Variants in SIK3 observed in about 807,000 individuals in gnomAD.
SIK3 encodes the protein SIK family kinase 3.
A neutral mutation model predicts 144.2 loss-of-function variants in SIK3; 28 were observed. The ratio of observed to expected loss-of-function variants is 0.19; its 90% confidence interval spans 0.14 to 0.27. The LOEUF (loss-of-function observed/expected upper bound fraction) is 0.27, where lower values mean the gene tolerates loss of function less well. Among genes scored for constraint, SIK3 ranks in the 10% least tolerant of loss-of-function variants. SIK3 has a pLI of 1.00. For missense variants in SIK3, 1,319 were observed against 1,776.0 expected, an observed-to-expected ratio of 0.74 and a Z score of 4.62; for synonymous variants, 686 against 676.3, an observed-to-expected ratio of 1.01 and a Z score of -0.22.
At chr11:116,967,689 G>C (rs1367779230) in intron 1 of SIK3, among the ~76,000 whole-genome samples, 1 of 152,186 alleles carries the variant, frequency 6.6e-6, no homozygotes, top group Non-Finnish European at 1.5e-5. Flanking sequence ...AGTCTCACTT[G>C]TAATGCATCC....
chr11:116,977,125 T>C (rs1444335432), intron 1 of SIK3, among the ~76,000 whole-genome samples: 1 of 152,100 alleles, frequency 6.6e-6, no homozygotes, highest in Non-Finnish European at 1.5e-5. Flanking sequence ...AGGCCAAATA[T>C]TTCCGGATCA....
rs12271877 is a variant in SIK3, at chr11:117,063,786, C to T, written c.273+34357G>A. ...GGTTTCACCTTGGCCAGGCTGTTCTCGAACTCCTGATCTCAAGTGATTCGC... is the reference window on the plus strand; with the variant it reads ...GGTTTCACCTTGGCCAGGCTGTTCTTGAACTCCTGATCTCAAGTGATTCGC... On this transcript the variant is annotated intron_variant, in intron 1 of 24. Transcript: ENST00000445177. Among the ~76,000 whole-genome samples the T allele has an allele frequency of 7.6e-3, 1,155 of 151,862 alleles. 12 individuals are homozygous for T. Among genetic ancestry groups the T allele is most frequent in the African/African-American group, 0.024 (988 of 41,424 alleles).
At chr11:116,882,682 TACA>T (rs1474865030) in intron 6 of SIK3, among the ~76,000 whole-genome samples, 1 of 152,142 alleles carries the variant, frequency 6.6e-6, no homozygotes, top group Non-Finnish European at 1.5e-5. Context: ...GCATGCTGCT[TACA>T]GGTGCTCAGA....
chr11:117,012,608 C>T (rs989904334), intron 1 of SIK3, among the ~76,000 whole-genome samples: 3 of 152,112 alleles, frequency 2.0e-5, no homozygotes, highest in Non-Finnish European at 4.4e-5. Context: ...TCCCTCTTTC[C>T]CATTTTTCTC....
chr11:116,940,480 C>T (rs1948228972), intron 3 of SIK3, among the ~76,000 whole-genome samples: 1 of 152,090 alleles, frequency 6.6e-6, no homozygotes, highest in Non-Finnish European at 1.5e-5. Context: ...ATCTGCCCAT[C>T]TCAGCCTCCC....
At chr11:117,044,468 C>T (rs1167366132) in intron 1 of SIK3, among the ~76,000 whole-genome samples, 1 of 142,404 alleles carries the variant, frequency 7.0e-6, no homozygotes, top group Non-Finnish European at 1.5e-5. Context: ...TACAACTAGA[C>T]AAAAAGTAAA....
chr11:116,919,352 T>C (rs1439126209), intron 4 of SIK3, among the ~76,000 whole-genome samples: 1 of 152,216 alleles, frequency 6.6e-6, no homozygotes, highest in Non-Finnish European at 1.5e-5. Flanking sequence ...AAATTTTCCA[T>C]GGTACCTTAA....
intron 6 of SIK3, among the ~76,000 whole-genome samples, chr11:116,878,669 C>T (rs1284335591): frequency 1.3e-5 from 2 of 152,214 alleles, no homozygotes; most frequent in African/African-American, 2.4e-5. Flanking sequence ...CGTGAGCCAC[C>T]GCGCTTGGCC....
intron 19 of SIK3, among the ~76,000 whole-genome samples, chr11:116,860,531 A>G (rs1943266155): frequency 6.6e-6 from 1 of 152,224 alleles, no homozygotes; most frequent in East Asian, 1.9e-4. Context: ...GTAGACAGCC[A>G]AACGGAGGCA....
At position 116,861,353 on chromosome 11, in the gene SIK3, G is replaced by T. The variant is rs142416566; in HGVS notation, c.2346C>A (p.Pro782=). 4.4e-6 allele frequency: 7 copies of T among 1,594,392 alleles called. No individual in the cohort carries two copies. The African/African-American group carries it at 8.2e-5, about 19-fold the overall frequency. ...RLRIQPSSPP[P]NHPNNHLFRQ... ...TGAAGAGATGGTTGTTGGGGTGGTTGGGGGGTGGGCTTGAAGGCTGAATCC... is the reference window on the plus strand; with the variant it reads ...TGAAGAGATGGTTGTTGGGGTGGTTTGGGGGTGGGCTTGAAGGCTGAATCC... The change falls in exon 19 of 25, where the codon CCC becomes CCA. Residue 782 remains proline (P), a synonymous_variant. Coordinates refer to ENST00000445177, the MANE Select transcript of SIK3 (RefSeq NM_001366686.3).
intron 1 of SIK3, among the ~76,000 whole-genome samples, chr11:117,066,415 A>C (rs183340080): frequency 6.6e-6 from 1 of 152,218 alleles, no homozygotes; most frequent in Non-Finnish European, 1.5e-5. Context: ...GAATGAAAAA[A>C]TAAGCCATGG....
At chr11:116,990,537 G>T (rs1036380312) in intron 1 of SIK3, among the ~76,000 whole-genome samples, 4 of 152,096 alleles carry the variant, frequency 2.6e-5, no homozygotes, top group African/African-American at 9.7e-5. Flanking sequence ...GCAGTATATT[G>T]AAAGTAAATT....
At chr11:116,862,454 A>G (rs770778674) in intron 16 of SIK3, 127 bp from the exon 17 acceptor site, 67 of 1,173,148 alleles carry the variant, frequency 5.7e-5, no homozygotes, top group Non-Finnish European at 7.5e-5. Flanking sequence ...AGTGTCCTTG[A>G]TGAGCAATTA....
At chr11:116,896,190 GA>G in intron 6 of SIK3, 62 bp downstream of exon 6, 2 of 1,591,422 alleles carry the variant, frequency 1.3e-6, no homozygotes, top group Non-Finnish European at 1.7e-6. Context: ...AAATTCCTGG[GA>G]TAACTGAGTG....
At chr11:117,063,011 A>T (rs1953864490) in intron 1 of SIK3, among the ~76,000 whole-genome samples, 1 of 152,230 alleles carries the variant, frequency 6.6e-6, no homozygotes, top group Admixed American at 6.5e-5. Context: ...TAAATCAGAA[A>T]TCAGCTTTAC....
intron 1 of SIK3, among the ~76,000 whole-genome samples, chr11:117,062,893 T>G (rs1458816125): frequency 6.6e-6 from 1 of 152,178 alleles, no homozygotes; most frequent in South Asian, 2.1e-4. Flanking sequence ...CTAAAATACA[T>G]CAGACAGCAT....
rs534443062 is a variant in SIK3, at chr11:116,885,343, T to C, written c.866-8301A>G. ...AAGAAAAGGTTTTGACCCATGTATA[T>C]CCATTTATTAGAAAAATGACACCTA... On this transcript the variant is annotated intron_variant, in intron 6 of 24. Coordinates refer to ENST00000445177, the MANE Select transcript of SIK3 (RefSeq NM_001366686.3). Among the ~76,000 whole-genome samples the C allele has an allele frequency of 2.7e-4, 41 of 152,302 alleles. 1 individual carries two copies. In the South Asian group the frequency reaches 7.7e-3, roughly 29 times the overall value.
At chr11:117,075,629 C>T (rs540058323) in intron 1 of SIK3, among the ~76,000 whole-genome samples, 1 of 150,076 alleles carries the variant, frequency 6.7e-6, no homozygotes, top group Non-Finnish European at 1.5e-5. Context: ...GCAAGCTCCG[C>T]CTCCCAGGTT....
chr11:116,949,841 T>C (rs1184478813), intron 3 of SIK3, among the ~76,000 whole-genome samples: 5 of 152,164 alleles, frequency 3.3e-5, no homozygotes, highest in Non-Finnish European at 7.3e-5. Flanking sequence ...TCACTCCCTG[T>C]TGCAAATGAA....
Sources: gnomAD v4.1 joint callset for allele counts (sites outside exome capture counted in the v4.1 genomes callset) on GRCh38, gnomAD v4.1.1 for gene constraint, MANE v1.5 for transcripts, NCBI Gene and HGNC (gene_info 2026-07-23, HGNC 2026-07-21) for gene names.